The following XRCC1 variants were observed in gnomAD, a reference collection of about 807,000 sequenced individuals.
The protein encoded by XRCC1 is DNA repair protein XRCC1.
XRCC1 carries 52 observed loss-of-function variants against 83.3 expected under a neutral mutation model. That is an observed-to-expected ratio of 0.62 (90% CI 0.50 to 0.79). The LOEUF is 0.79. Among genes scored for constraint, XRCC1 ranks in the 30% least tolerant of loss-of-function variants. XRCC1 has a pLI of 0.00. For missense variants in XRCC1, 793 were observed against 823.5 expected, an observed-to-expected ratio of 0.96 and a Z score of 0.45; for synonymous variants, 281 against 312.6, an observed-to-expected ratio of 0.90 and a Z score of 1.07.
At chr19:43,548,356 A>T (rs1297439005) in intron 10 of XRCC1, among the ~76,000 whole-genome samples, 2 of 152,224 alleles carry the variant, frequency 1.3e-5, no homozygotes, top group Admixed American at 6.5e-5. Context: ...GGGAAAAGAT[A>T]GAGAAATCAG....
At position 43,543,341 on chromosome 19, in the gene XRCC1, CGTGTGTGTGT is replaced by C. The variant is rs45592142; in HGVS notation, c.*41_*50del. ...ACCAACTCATCTTTATTAAATGCAT[CGTGTGTGTGT>C]GTGTGTGTGTGTGTGTGTGTGTGTG... On this transcript the variant is annotated 3_prime_UTR_variant, in exon 17 of 17. Coordinates refer to ENST00000262887, the MANE Select transcript of XRCC1 (RefSeq NM_006297.3). 76 of 1,044,368 alleles carry C rather than the reference CGTGTGTGTGT, an allele frequency of 7.3e-5. No homozygotes were observed. Among genetic ancestry groups the C allele is most frequent in the South Asian group, 1.1e-4 (8 of 74,750 alleles). 64.7% of individuals were successfully genotyped at this position (1,044,368 alleles called of 1,614,324 possible).
intron 6 of XRCC1, 118 bp from the exon 7 acceptor site, chr19:43,553,209 C>CCTCCAGA (rs1972600447): frequency 1.6e-6 from 2 of 1,214,784 alleles, no homozygotes; most frequent in African/African-American, 3.0e-5. Flanking sequence ...GGAGTCCCAG[C>CCTCCAGA]CTCCAGACCT....
chr19:43,552,262 A>G lies in XRCC1; in HGVS notation c.837T>C (p.Thr279=), dbSNP rs1405854994. ...VPKRPKLPAP[T]RTPATAPVPA... ...GGACTGGGGCTGTGGCTGGGGTACGAGTTGGAGCTGGCACTGGAGAAGACA... is the reference window on the plus strand; with the variant it reads ...GGACTGGGGCTGTGGCTGGGGTACGGGTTGGAGCTGGCACTGGAGAAGACA... The change falls in exon 9 of 17, where the codon ACT becomes ACC. Residue 279 remains threonine, a synonymous_variant. Coordinates refer to ENST00000262887, the MANE Select transcript of XRCC1 (RefSeq NM_006297.3). The G allele has an allele frequency of 1.2e-6, 2 of 1,605,796 alleles. No homozygotes were observed. Among genetic ancestry groups the G allele is most frequent in the South Asian group, 1.1e-5 (1 of 90,486 alleles).
chr19:43,549,267 T>C (rs903356240), intron 10 of XRCC1, among the ~76,000 whole-genome samples: 5 of 152,168 alleles, frequency 3.3e-5, no homozygotes, highest in Admixed American at 1.3e-4. Flanking sequence ...TTTTATTTTA[T>C]TTTTATTTTT....
chr19:43,573,440 A>T (rs1192197063), intron 2 of XRCC1, among the ~76,000 whole-genome samples: 1 of 152,184 alleles, frequency 6.6e-6, no homozygotes, highest in Non-Finnish European at 1.5e-5. Flanking sequence ...CAAACTCATC[A>T]ATGGAGCAGG....
At position 43,553,008 on chromosome 19, in the gene XRCC1, A is replaced by G; in HGVS notation, c.685T>C (p.Ser229Pro). 1 of 1,603,308 alleles carries G rather than the reference A, an allele frequency of 6.2e-7. No homozygotes were observed. Among genetic ancestry groups the G allele is most frequent in the Non-Finnish European group, 8.5e-7 (1 of 1,175,328 alleles). ...SSAASSASPV[S>P]RAIGSTSKPQ... ...TTGGAGGTGCTGCCTATGGCCCTGG[A>G]GACTGGAGAGGCTGAGGAGGCAGCA... The change falls in exon 7 of 17, where the codon TCC becomes CCC. Residue 229 changes from serine to proline, a missense_variant. Physicochemically the swap from Ser to Pro is moderately conservative, Grantham distance 74. Transcript: ENST00000262887.
chr19:43,545,977 T>C lies in XRCC1; in HGVS notation c.1482-20A>G. Reference sequence around the variant, plus strand: ...GCCACCCTGGGGGTGCCAAGAGGAGTAGAGAGTGAGCATGCAGAGCAGCCT... The same window carrying C: ...GCCACCCTGGGGGTGCCAAGAGGAGCAGAGAGTGAGCATGCAGAGCAGCCT... On this transcript the variant is annotated intron_variant, in intron 13 of 16. Transcript: ENST00000262887. 12 of 1,613,316 alleles carry C rather than the reference T, an allele frequency of 7.4e-6. No homozygotes were observed. The highest frequency in any genetic ancestry group is 1.0e-5 in the Non-Finnish European group (12 of 1,179,732).
chr19:43,550,863 A>G (rs1447574146), intron 10 of XRCC1, among the ~76,000 whole-genome samples: 1 of 152,194 alleles, frequency 6.6e-6, no homozygotes, highest in African/African-American at 2.4e-5. Context: ...CTGTTACAAC[A>G]ATTCTGATCC....
intron 3 of XRCC1, among the ~76,000 whole-genome samples, chr19:43,556,377 G>A (rs1357420434): frequency 6.6e-6 from 1 of 152,186 alleles, no homozygotes; most frequent in Non-Finnish European, 1.5e-5. Context: ...GTCCCTGGGA[G>A]GCCTGTCTGT....
At chr19:43,561,171 C>A in intron 2 of XRCC1, 151 bp from the exon 3 acceptor site, 1 of 677,274 alleles carries the variant, frequency 1.5e-6, no homozygotes, top group Non-Finnish European at 2.7e-6. Context: ...CATGTGTCCC[C>A]TCCATGCAGC....
At chr19:43,559,187 A>G (rs1341032722) in intron 3 of XRCC1, among the ~76,000 whole-genome samples, 1 of 151,532 alleles carries the variant, frequency 6.6e-6, no homozygotes, top group African/African-American at 2.4e-5. Flanking sequence ...AACATATAAA[A>G]AAGATACAGA....
rs1278530143 is a variant in XRCC1 at position 43,544,194 on chromosome 19, G to A, written c.1662C>T (p.Phe554=). ...QGKHFFLYGE[F]PGDERRKLIR... is the part of the protein sequence containing the mutation. ...TGAGTTTCCGCCGCTCGTCCCCAGG[G>A]AACTCCCCGTAAAGAAAGAAGTGCT... Residue 554 remains phenylalanine, a synonymous_variant, in exon 15 of 17, where the codon TTC becomes TTT. Transcript: ENST00000262887. The A allele has an allele frequency of 1.2e-6, 2 of 1,611,312 alleles. No homozygotes were observed. Among genetic ancestry groups the A allele is most frequent in the South Asian group, 2.2e-5 (2 of 90,262 alleles).
chr19:43,570,107 T>G (rs1454797946), intron 2 of XRCC1, among the ~76,000 whole-genome samples: 1 of 152,216 alleles, frequency 6.6e-6, no homozygotes, highest in Non-Finnish European at 1.5e-5. Flanking sequence ...CTTCACTCTA[T>G]GTATGTTACA....
intron 10 of XRCC1, among the ~76,000 whole-genome samples, chr19:43,548,699 A>G (rs1600044556): frequency 7.0e-6 from 1 of 142,302 alleles, no homozygotes; most frequent in East Asian, 2.0e-4. Context: ...TTATCTGCTG[A>G]CCTTCCCTTC....
At chr19:43,550,016 G>A (rs1972559447) in intron 10 of XRCC1, among the ~76,000 whole-genome samples, 1 of 152,106 alleles carries the variant, frequency 6.6e-6, no homozygotes, top group South Asian at 2.1e-4. Flanking sequence ...CTACTCAGGA[G>A]TCCCCACCTG....
rs2146052474 is a variant in XRCC1, at chr19:43,553,452, A to G, written c.550T>C (p.Ser184Pro). 1.2e-6 allele frequency: 2 copies of G among 1,614,080 alleles called. No individual in the cohort carries two copies. Among genetic ancestry groups the G allele is most frequent in the African/African-American group, 2.7e-5 (2 of 75,000 alleles). Residue 184 changes from serine (S) to proline (P), a missense_variant, in exon 6 of 17, where the codon TCT becomes CCT. Coordinates refer to ENST00000262887, the MANE Select transcript of XRCC1 (RefSeq NM_006297.3). ...AAGAAGAGAGCCCCCGGCCTCAGAG[A>G]GTTGGCGCTCTCATCCTCCTCCTTC... The part of the protein sequence containing the change: ...RVKEEDESAN[S>P]LRPGALFFSR...
rs1972619265 is a variant in XRCC1 at position 43,554,779 on chromosome 19, A to G, written c.281T>C (p.Met94Thr). 12 of 1,613,008 alleles carry G rather than the reference A, an allele frequency of 7.4e-6. No homozygotes were observed. The highest frequency in any genetic ancestry group is 1.7e-5 in the Admixed American group (1 of 59,894). ...YEVLLVTSSF[M>T]SPSESRSGSN... ...GCCACTGCGGCTCTCGGAAGGGGAC[A>G]TGAAAGATGAGGTGACCAGAAGGAC... The change falls in exon 4 of 17, where the codon ATG becomes ACG. Residue 94 changes from methionine (M) to threonine (T), a missense_variant. Transcript: ENST00000262887.
At chr19:43,554,835 C>T (rs746640147) in intron 3 of XRCC1, 31 bp from the exon 4 acceptor site, 26 of 1,596,306 alleles carry the variant, frequency 1.6e-5, no homozygotes, top group Non-Finnish European at 2.2e-5. Flanking sequence ...TGCATGAGAA[C>T]CAGGGCAGGT....
intron 2 of XRCC1, among the ~76,000 whole-genome samples, chr19:43,570,048 G>T (rs186203446): frequency 1.7e-4 from 26 of 152,304 alleles, no homozygotes; most frequent in Admixed American, 7.9e-4. Flanking sequence ...AGTACACAGG[G>T]CTGCAGTTTG....
Sources: gnomAD v4.1 joint callset for allele counts (sites outside exome capture counted in the v4.1 genomes callset) on GRCh38, gnomAD v4.1.1 for gene constraint, MANE v1.5 for transcripts, NCBI Gene and HGNC (gene_info 2026-07-23, HGNC 2026-07-21) for gene names.